The following MRPS28 variants were observed in gnomAD, a reference collection of about 807,000 sequenced individuals.
MRPS28 encodes mitochondrial ribosomal protein S28, also known as small ribosomal subunit protein bS1m.
MRPS28 carries 7 observed loss-of-function variants against 10.8 expected under a neutral mutation model. The ratio of observed to expected loss-of-function variants is 0.65; its 90% CI spans 0.37 to 1.22. MRPS28 has a LOEUF of 1.22. Ranked by LOEUF, MRPS28 falls within the 50% of genes most tolerant of loss-of-function variation. The probability of loss-of-function intolerance (pLI) is 0.02; values close to 1 mark genes in which losing one functional copy is unlikely to be tolerated. For synonymous variants in MRPS28, 121 were observed against 93.3 expected, an observed-to-expected ratio of 1.30 and a Z score of -1.71; for missense variants, 265 against 232.9, an observed-to-expected ratio of 1.14 and a Z score of -0.90.
intron 2 of MRPS28, among the ~76,000 whole-genome samples, chr8:79,931,611 T>C (rs983710186): frequency 6.6e-6 from 1 of 152,122 alleles, no homozygotes; most frequent in Non-Finnish European, 1.5e-5. Context: ...GCTGGGAAGA[T>C]TGTAGGAAAT....
Position 79,918,861 on chromosome 8 carries a change from A to C in MRPS28, c.*119T>G. On this transcript the variant is annotated 3_prime_UTR_variant, in exon 3 of 3. Transcript: ENST00000276585. ...AAGAAAATTCTAATAAGAGTTATCTATAATTATAGCTTTTATTTATTATAT... is the reference window on the plus strand; with the variant it reads ...AAGAAAATTCTAATAAGAGTTATCTCTAATTATAGCTTTTATTTATTATAT... 1.3e-6 allele frequency: 1 copy of C among 775,912 alleles called. No homozygotes were observed. Among genetic ancestry groups the C allele is most frequent in the South Asian group, 3.7e-5 (1 of 26,758 alleles). The allele number at this position is 775,912 out of a possible 1,614,324, so 48.1% of individuals were successfully genotyped here.
chr8:80,025,168 C>T (rs1003808031), intron 1 of MRPS28, among the ~76,000 whole-genome samples: 10 of 152,092 alleles, frequency 6.6e-5, no homozygotes, highest in Non-Finnish European at 1.3e-4. Context: ...TTTATGAGTT[C>T]AAATTGATAG....
Position 79,919,034 on chromosome 8 carries a change from C to CA in MRPS28, c.509dup (p.Leu170PhefsTer7), listed in dbSNP as rs764347081. On this transcript the variant is annotated frameshift_variant, in exon 3 of 3. Transcript: ENST00000276585. LOFTEE classifies it high-confidence loss of function. ...TTGAGTCTTTACTCTCCTGGATTCC[C>CA]AAGAGAACTGCATTAGCCTCTAGTA... 1.3e-6 allele frequency: 2 copies of CA among 1,599,162 alleles called. No homozygotes were observed. Among genetic ancestry groups the CA allele is most frequent in the Admixed American group, 1.7e-5 (1 of 57,286 alleles).
At chr8:80,023,965 A>C (rs909502993) in intron 1 of MRPS28, among the ~76,000 whole-genome samples, 1 of 152,208 alleles carries the variant, frequency 6.6e-6, no homozygotes, top group African/African-American at 2.4e-5. Context: ...GTGGTGGCTC[A>C]CACCTGTAAT....
At chr8:79,990,306 G>A (rs572827948) in intron 2 of MRPS28, among the ~76,000 whole-genome samples, 3 of 152,134 alleles carry the variant, frequency 2.0e-5, no homozygotes, top group Admixed American at 2.0e-4. Context: ...ATGAGTTACC[G>A]AGTCCTATCA....
chr8:79,943,990 G>GT (rs574156848), intron 2 of MRPS28, among the ~76,000 whole-genome samples: 2 of 152,226 alleles, frequency 1.3e-5, no homozygotes, highest in African/African-American at 4.8e-5. Flanking sequence ...TTTGGCCACC[G>GT]TAAGTGCCAC....
intron 2 of MRPS28, among the ~76,000 whole-genome samples, chr8:79,948,076 C>T (rs533940948): frequency 9.9e-5 from 15 of 151,580 alleles, no homozygotes; most frequent in African/African-American, 3.4e-4. Flanking sequence ...CAACCTCTAC[C>T]TCCTGGGTTC....
chr8:79,942,323 C>T (rs538095482), intron 2 of MRPS28, among the ~76,000 whole-genome samples: 3 of 152,122 alleles, frequency 2.0e-5, no homozygotes, highest in African/African-American at 4.8e-5. Flanking sequence ...AAAATAAAGT[C>T]ACAATTTCAA....
At chr8:79,996,928 T>C (rs966771353) in intron 2 of MRPS28, among the ~76,000 whole-genome samples, 1 of 152,212 alleles carries the variant, frequency 6.6e-6, no homozygotes, top group African/African-American at 2.4e-5. Context: ...GCTTTGTTAA[T>C]CCCTAGTTGC....
At chr8:79,966,523 G>C (rs1177259589) in intron 2 of MRPS28, among the ~76,000 whole-genome samples, 1 of 151,956 alleles carries the variant, frequency 6.6e-6, no homozygotes, top group South Asian at 2.1e-4. Context: ...AATTATGCTA[G>C]AAATCAATAA....
chr8:80,027,494 T>G (rs1809521813), intron 1 of MRPS28, among the ~76,000 whole-genome samples: 1 of 152,212 alleles, frequency 6.6e-6, no homozygotes, highest in South Asian at 2.1e-4. Context: ...ATTGTATATT[T>G]AATCTTGCAG....
chr8:80,000,946 G>A (rs746245624), intron 2 of MRPS28, among the ~76,000 whole-genome samples: 13 of 152,236 alleles, frequency 8.5e-5, no homozygotes, highest in Non-Finnish European at 1.8e-4. Context: ...AAAAAGAACA[G>A]TGCCGACAAA....
intron 2 of MRPS28, among the ~76,000 whole-genome samples, chr8:79,938,544 G>A (rs1485325242): frequency 6.6e-6 from 1 of 151,574 alleles, no homozygotes; most frequent in East Asian, 1.9e-4. Context: ...GATACCTTAT[G>A]GTTGAAGTTT....
chr8:80,004,503 G>A (rs62516071), intron 1 of MRPS28, among the ~76,000 whole-genome samples: 2,002 of 152,268 alleles, frequency 0.013, 23 homozygotes, highest in Non-Finnish European at 0.021. Flanking sequence ...CATCATCAAA[G>A]ACCAAAGGTA....
intron 1 of MRPS28, among the ~76,000 whole-genome samples, chr8:80,012,252 T>C (rs1303426434): frequency 6.6e-6 from 1 of 152,208 alleles, no homozygotes; most frequent in African/African-American, 2.4e-5. Context: ...AGCTTATTAT[T>C]TCATTTGATT....
chr8:79,924,284 A>G (rs1292705944), intron 2 of MRPS28, among the ~76,000 whole-genome samples: 1 of 152,236 alleles, frequency 6.6e-6, no homozygotes, highest in Non-Finnish European at 1.5e-5. Flanking sequence ...TTTTAAGACT[A>G]CAGAAGAAAA....
chr8:79,957,331 CT>C (rs1807246215), intron 2 of MRPS28: 1 of 151,990 alleles, frequency 6.6e-6, no homozygotes, highest in Admixed American at 6.6e-5. Context: ...TTTTGGCATA[CT>C]TTTGTTTTTG....
intron 1 of MRPS28, among the ~76,000 whole-genome samples, chr8:80,025,820 A>G (rs940585216): frequency 1.3e-5 from 2 of 152,228 alleles, no homozygotes; most frequent in Non-Finnish European, 2.9e-5. Flanking sequence ...TGGTAGAGGA[A>G]CCAGGATTTA....
intron 2 of MRPS28, among the ~76,000 whole-genome samples, chr8:79,924,688 CTG>C (rs1372975080): frequency 6.6e-6 from 1 of 152,148 alleles, no homozygotes; most frequent in Non-Finnish European, 1.5e-5. Flanking sequence ...ATATAAAACA[CTG>C]TAATAATCTT....
Sources: gnomAD v4.1 joint callset for allele counts (sites outside exome capture counted in the v4.1 genomes callset) on GRCh38, gnomAD v4.1.1 for gene constraint, MANE v1.5 for transcripts, NCBI Gene and HGNC (gene_info 2026-07-23, HGNC 2026-07-21) for gene names.